DAB1: variants seen among roughly 807,000 people sequenced by gnomAD.
DAB1 encodes the protein DAB adaptor protein 1, also known as disabled homolog 1.
A neutral mutation model predicts 64.6 loss-of-function variants in DAB1; 15 were observed. The observed-to-expected ratio is 0.23, with a 90% CI of 0.16 to 0.36. The LOEUF (loss-of-function observed/expected upper bound fraction) is 0.36. DAB1 is among the 10% of genes least tolerant of loss of function. The pLI, the probability that DAB1 is intolerant of heterozygous loss-of-function variation, is 1.00. For missense variants in DAB1, 596 were observed against 706.7 expected, an observed-to-expected ratio of 0.84 and a Z score of 1.78; for synonymous variants, 235 against 251.9, an observed-to-expected ratio of 0.93 and a Z score of 0.64.
chr1:57,920,598 G>A (rs79037958), intron 5 of DAB1, among the ~76,000 whole-genome samples: 103 of 152,156 alleles, frequency 6.8e-4, no homozygotes, highest in African/African-American at 2.4e-3. Flanking sequence ...TTGTCATCTC[G>A]GAGACTTAGG....
At chr1:58,521,564 T>C (rs774708170) in intron 2 of DAB1, among the ~76,000 whole-genome samples, 2 of 151,924 alleles carry the variant, frequency 1.3e-5, no homozygotes, top group Non-Finnish European at 2.9e-5. Flanking sequence ...AGCACCAATA[T>C]TAACAAAGGG....
chr1:57,894,050 G>A (rs1306111009), intron 5 of DAB1, among the ~76,000 whole-genome samples: 4 of 152,260 alleles, frequency 2.6e-5, no homozygotes, highest in Non-Finnish European at 4.4e-5. Context: ...AGGCCACTGT[G>A]CATGTGGGCA....
intron 7 of DAB1, among the ~76,000 whole-genome samples, chr1:57,538,221 G>T (rs1290762811): frequency 6.6e-6 from 1 of 152,054 alleles, no homozygotes; most frequent in Non-Finnish European, 1.5e-5. Flanking sequence ...TGTTTTCCTG[G>T]CTTAGACTGG....
intron 2 of DAB1, among the ~76,000 whole-genome samples, chr1:58,511,662 A>G (rs894035437): frequency 6.6e-6 from 1 of 151,976 alleles, no homozygotes; most frequent in Non-Finnish European, 1.5e-5. Context: ...CAAACCCCAC[A>G]ATGAGGAAAG....
chr1:57,139,913 G>C (rs1658437671), intron 3 of DAB1, among the ~76,000 whole-genome samples: 1 of 152,056 alleles, frequency 6.6e-6, no homozygotes, highest in Non-Finnish European at 1.5e-5. Flanking sequence ...AAAAAGAGAA[G>C]GACAATCCAT....
chr1:57,529,964 A>C (rs1644642277), intron 7 of DAB1, among the ~76,000 whole-genome samples: 1 of 152,112 alleles, frequency 6.6e-6, no homozygotes. Context: ...ATATATGAGT[A>C]TACAAAGCCT....
chr1:57,364,008 A>G (rs1223346631), intron 1 of DAB1, among the ~76,000 whole-genome samples: 2 of 152,172 alleles, frequency 1.3e-5, no homozygotes, highest in African/African-American at 4.8e-5. Flanking sequence ...ATTTCCTAAG[A>G]AAGTGCCTTG....
chr1:58,136,891 C>A lies in DAB1; in HGVS notation n.387+13620G>T, dbSNP rs149957186. ...GAGAATCCAAAATTTTATACTAGAGCTGTCTAATTTTAACGTCTGAGTTTT... is the reference window on the plus strand; with the variant it reads ...GAGAATCCAAAATTTTATACTAGAGATGTCTAATTTTAACGTCTGAGTTTT... On this transcript the variant is annotated intron_variant and non_coding_transcript_variant, in intron 5 of 20. Transcript: ENST00000485760. 3.4e-3 allele frequency among the ~76,000 whole-genome samples: 524 copies of A among 152,222 alleles called. 4 individuals carry two copies. The highest frequency in any genetic ancestry group is 0.012 in the African/African-American group (506 of 41,522).
At chr1:57,401,173 A>G (rs981770920) in intron 1 of DAB1, among the ~76,000 whole-genome samples, 1 of 152,138 alleles carries the variant, frequency 6.6e-6, no homozygotes, top group South Asian at 2.1e-4. Flanking sequence ...GGCATTTCAT[A>G]TATATTAAGA....
chr1:57,587,585 C>T (rs927441347), intron 7 of DAB1, among the ~76,000 whole-genome samples: 13 of 152,146 alleles, frequency 8.5e-5, no homozygotes, highest in African/African-American at 2.7e-4. Flanking sequence ...GGTCCCTTAC[C>T]ACAAGGTTAT....
rs774314688 is a variant in DAB1, at chr1:57,025,982, G to A, written c.785C>T (p.Pro262Leu). The A allele has an allele frequency of 6.3e-7, 1 of 1,580,558 alleles. No individual in the cohort carries two copies. Among genetic ancestry groups the A allele is most frequent in the South Asian group, 1.2e-5 (1 of 84,920 alleles). The change falls in exon 10 of 15, where the codon CCC becomes CTC. Residue 262 changes from proline to leucine, a missense_variant and splice_region_variant. By Grantham distance (98) the Pro-to-Leu change is moderately conservative. Coordinates refer to ENST00000371236, the MANE Select transcript of DAB1 (RefSeq NM_001365792.1). ...GTTCAGAGAGCAATGCATACTTACG[G>A]GGGGAGAGGTTATATCAGGGGGTGT... The part of the protein sequence containing the change: ...MSTPPDITSP[P>L]TPATPGDAFI...
At chr1:58,486,402 T>C (rs912741030) in intron 3 of DAB1, among the ~76,000 whole-genome samples, 1 of 152,228 alleles carries the variant, frequency 6.6e-6, no homozygotes, top group Non-Finnish European at 1.5e-5. Flanking sequence ...ACCATCTTTC[T>C]CCCGTTACCA....
chr1:58,051,312 C>G (rs990175618), intron 5 of DAB1, among the ~76,000 whole-genome samples: 1 of 151,224 alleles, frequency 6.6e-6, no homozygotes, highest in Non-Finnish European at 1.5e-5. Context: ...GGTTTTCTGT[C>G]CTTGTGATAG....
intron 2 of DAB1, among the ~76,000 whole-genome samples, chr1:57,173,646 C>T (rs1223931209): frequency 6.6e-6 from 1 of 152,158 alleles, no homozygotes. Context: ...TTAAGGCAAG[C>T]TTAATCGGGA....
chr1:57,874,242 G>A (rs1396563772), intron 1 of DAB1: 2 of 152,276 alleles, frequency 1.3e-5, no homozygotes, highest in Admixed American at 6.5e-5. Context: ...CTGCAGGCCT[G>A]GACCAAGTGC....
intron 5 of DAB1, among the ~76,000 whole-genome samples, chr1:57,974,684 C>A (rs945856804): frequency 1.4e-4 from 21 of 152,236 alleles, no homozygotes; most frequent in African/African-American, 4.8e-4. Context: ...ATATGCCTTA[C>A]ATACATACCC....
At chr1:57,374,199 C>T (rs2052616) in intron 1 of DAB1, among the ~76,000 whole-genome samples, 48,332 of 151,686 alleles carry the variant, frequency 0.32, 8,007 homozygotes, top group African/African-American at 0.38. Context: ...TATTTTATTA[C>T]CAGTGATGAG....
chr1:58,332,449 G>A (rs1321667997), intron 4 of DAB1, among the ~76,000 whole-genome samples: 1 of 152,178 alleles, frequency 6.6e-6, no homozygotes, highest in Non-Finnish European at 1.5e-5. Flanking sequence ...AATAAAGCAA[G>A]TCCCACAATT....
At chr1:58,014,423 T>C (rs1646711018) in intron 5 of DAB1, among the ~76,000 whole-genome samples, 1 of 152,206 alleles carries the variant, frequency 6.6e-6, no homozygotes, top group Non-Finnish European at 1.5e-5. Flanking sequence ...CTGTGAGTGA[T>C]TCTAGGCAGT....
Sources: allele counts gnomAD v4.1 joint callset (sites outside exome capture counted in the v4.1 genomes callset), GRCh38; gene constraint gnomAD v4.1.1; transcripts MANE v1.5; gene names NCBI Gene and HGNC (gene_info 2026-07-23, HGNC 2026-07-21).